FRMD3: variants seen among roughly 807,000 people sequenced by gnomAD.
FRMD3 encodes the protein FERM domain-containing protein 3.
FRMD3 carries 33 observed loss-of-function variants against 70.2 expected under a neutral mutation model. That is an observed-to-expected ratio of 0.47 (90% CI 0.36 to 0.63). The LOEUF is 0.63. Among genes scored for constraint, FRMD3 ranks in the 20% least tolerant of loss-of-function variants. The pLI, the probability that FRMD3 is intolerant of heterozygous loss-of-function variation, is 0.00. For missense variants in FRMD3, 632 were observed against 711.4 expected (o/e 0.89, Z 1.27); for synonymous variants, 279 against 255.9 (o/e 1.09, Z -0.86).
chr9:83,551,717 C>G, the FRMD3 span, among the ~76,000 whole-genome samples: 3 of 152,044 alleles, frequency 2.0e-5, no homozygotes, highest in Non-Finnish European at 4.4e-5. Context: ...GTGTATGTGT[C>G]CAGGAATTTA....
chr9:83,300,961 C>T (rs1834900771), intron 10 of FRMD3, among the ~76,000 whole-genome samples: 1 of 152,150 alleles, frequency 6.6e-6, no homozygotes, highest in Admixed American at 6.5e-5. Flanking sequence ...AAGCCCCTTC[C>T]CACCACCTGT....
intron 6 of FRMD3, among the ~76,000 whole-genome samples, chr9:83,316,856 A>C (rs1213048263): frequency 2.0e-5 from 3 of 152,160 alleles, no homozygotes; most frequent in African/African-American, 7.2e-5. Context: ...CATCTCTCTC[A>C]TAAGTTCTTG....
intron 1 of FRMD3, among the ~76,000 whole-genome samples, chr9:83,475,926 C>A (rs764851320): frequency 1.3e-5 from 2 of 152,170 alleles, no homozygotes; most frequent in African/African-American, 4.8e-5. Flanking sequence ...CCTCCTCCCC[C>A]CAGGCCTCAC....
At chr9:83,474,652 T>A (rs1051339190) in intron 1 of FRMD3, among the ~76,000 whole-genome samples, 2 of 152,076 alleles carry the variant, frequency 1.3e-5, no homozygotes, top group Admixed American at 6.6e-5. Flanking sequence ...AAAAACTGGA[T>A]AAAATTTAAA....
At chr9:83,244,468 G>T (rs1831992625), downstream of FRMD3, among the ~76,000 whole-genome samples, 1 of 150,952 alleles carries the variant, frequency 6.6e-6, no homozygotes, top group African/African-American at 2.4e-5. Context: ...TTCTGCAAAG[G>T]GTTAATCTAA....
chr9:83,535,573 A>G lies in FRMD3; in HGVS notation c.147+2512T>C, dbSNP rs186445160. Among the ~76,000 whole-genome samples the G allele has an allele frequency of 2.6e-3, 393 of 152,226 alleles. 4 individuals are homozygous for G. Among genetic ancestry groups the G allele is most frequent in the Non-Finnish European group, 1.6e-3 (109 of 68,014 alleles). On this transcript the variant is annotated intron_variant, in intron 1 of 13. Coordinates refer to ENST00000304195, the MANE Select transcript of FRMD3 (RefSeq NM_174938.6). ...CCAGGACAGCTTTGGATGCAGCCCA[A>G]CAGAAATTCATAAACTTTCTTAAAA...
chr9:83,349,301 G>A (rs573450557), intron 4 of FRMD3, among the ~76,000 whole-genome samples: 1 of 152,242 alleles, frequency 6.6e-6, no homozygotes, highest in African/African-American at 2.4e-5. Flanking sequence ...TCTGCCAGGC[G>A]ATCTTTTCCC....
intron 13 of FRMD3, among the ~76,000 whole-genome samples, chr9:83,253,779 G>T (rs990755331): frequency 2.0e-5 from 3 of 152,104 alleles, no homozygotes; most frequent in Non-Finnish European, 4.4e-5. Flanking sequence ...ATACCCAAAG[G>T]ATTATAAATC....
At chr9:83,338,084 T>C (rs1243942603) in intron 5 of FRMD3, among the ~76,000 whole-genome samples, 2 of 152,002 alleles carry the variant, frequency 1.3e-5, no homozygotes, top group African/African-American at 4.8e-5. Context: ...GGAAGACCAA[T>C]AGAGAAATGG....
chr9:83,478,437 CA>C (rs1289343555), intron 1 of FRMD3, among the ~76,000 whole-genome samples: 2 of 152,080 alleles, frequency 1.3e-5, no homozygotes, highest in Non-Finnish European at 1.5e-5. Context: ...AAATGCAAAT[CA>C]AAACCATAAT....
At chr9:83,583,528 C>A in the FRMD3 span, among the ~76,000 whole-genome samples, 1 of 152,168 alleles carries the variant, frequency 6.6e-6, no homozygotes, top group African/African-American at 2.4e-5. Context: ...TTACCAGATC[C>A]ATCAGACACA....
At chr9:83,299,256 T>C (rs1587695485) in intron 10 of FRMD3, 70 bp from the exon 11 acceptor site, 1 of 918,600 alleles carries the variant, frequency 1.1e-6, no homozygotes, top group Non-Finnish European at 1.7e-6. Flanking sequence ...TATAGAGGTG[T>C]GGTGATGGGG....
the FRMD3 span, among the ~76,000 whole-genome samples, chr9:83,554,337 T>A: frequency 6.6e-6 from 1 of 152,218 alleles, no homozygotes; most frequent in Non-Finnish European, 1.5e-5. Flanking sequence ...GGCTGCTCAC[T>A]GCAGCTCTGG....
At chr9:83,266,946 G>A (rs1315862551) in intron 13 of FRMD3, 2 of 1,489,100 alleles carry the variant, frequency 1.3e-6, no homozygotes, top group Non-Finnish European at 9.1e-7. Flanking sequence ...TCCACCAGCA[G>A]TGAGCAGGAA....
rs1022027515 is a variant in FRMD3 at position 83,245,283 on chromosome 9, C to A, written c.*2635G>T. The A allele has an allele frequency of 4.1e-6, 4 of 985,266 alleles. No individual in the cohort carries two copies. The African/African-American group carries it at 5.2e-5, about 13-fold the overall frequency. 61.0% of individuals were successfully genotyped at this position (985,266 alleles called of 1,614,324 possible). ...ACTCTATATCTCACTCTATAATATA[C>A]TGTCCATCTCTGGAAGCAGGCTTTT... is the stretch of plus-strand genomic sequence containing the variant. On this transcript the variant is annotated 3_prime_UTR_variant, in exon 14 of 14. Transcript: ENST00000304195.
At chr9:83,499,681 A>C (rs4877783) in intron 1 of FRMD3, among the ~76,000 whole-genome samples, 1 of 151,964 alleles carries the variant, frequency 6.6e-6, no homozygotes, top group South Asian at 2.1e-4. Flanking sequence ...AGCTTCATTC[A>C]CTGTTGGTGG....
chr9:83,349,634 G>T (rs772542749), intron 4 of FRMD3, 45 bp downstream of exon 4: 18 of 1,370,848 alleles, frequency 1.3e-5, no homozygotes, highest in Non-Finnish European at 1.7e-5. Flanking sequence ...AGAGATTCTG[G>T]CTGGTTAAAG....
intron 1 of FRMD3, among the ~76,000 whole-genome samples, chr9:83,519,890 C>A (rs112703305): frequency 1.3e-5 from 2 of 151,930 alleles, no homozygotes; most frequent in African/African-American, 2.4e-5. Context: ...AATTAACACA[C>A]GAACAGAAAA....
intron 1 of FRMD3, among the ~76,000 whole-genome samples, chr9:83,401,422 G>A (rs900982732): frequency 5.3e-5 from 8 of 152,204 alleles, no homozygotes; most frequent in African/African-American, 1.9e-4. Flanking sequence ...TGGGGAAACT[G>A]AGACCCAGAG....
Sources: gnomAD v4.1 joint callset for allele counts (sites outside exome capture counted in the v4.1 genomes callset) on GRCh38, gnomAD v4.1.1 for gene constraint, MANE v1.5 for transcripts, NCBI Gene and HGNC (gene_info 2026-07-23, HGNC 2026-07-21) for gene names.